The following CPOX variants were observed in gnomAD, a reference collection of about 807,000 sequenced individuals.
CPOX encodes oxygen-dependent coproporphyrinogen-III oxidase, mitochondrial.
A neutral mutation model predicts 48.9 loss-of-function variants in CPOX; 24 were observed. The ratio of observed to expected loss-of-function variants is 0.49; its 90% CI spans 0.36 to 0.69. The LOEUF (loss-of-function observed/expected upper bound fraction) is 0.69, where lower values mean the gene tolerates loss of function less well. Ranked by LOEUF, CPOX falls within the 30% of genes least tolerant of loss-of-function variation. The pLI is 0.00. For synonymous variants in CPOX, 249 were observed against 234.6 expected, an observed-to-expected ratio of 1.06 and a Z score of -0.56; for missense variants, 549 against 597.3, an observed-to-expected ratio of 0.92 and a Z score of 0.84.
chr3:98,577,421 G>A (rs369788631), downstream of CPOX, among the ~76,000 whole-genome samples: 1 of 152,148 alleles, frequency 6.6e-6, no homozygotes, highest in Non-Finnish European at 1.5e-5. Flanking sequence ...AGATGAGAAA[G>A]TATGTGAGAC....
At chr3:98,585,897 G>A (rs1388773499) in intron 4 of CPOX, 58 of 437,508 alleles carry the variant, frequency 1.3e-4, no homozygotes, top group Non-Finnish European at 8.9e-5. Flanking sequence ...TTTTGAGACG[G>A]ACTCTTGCTC....
chr3:98,576,432 T>C (rs1426706769), downstream of CPOX, among the ~76,000 whole-genome samples: 2 of 152,158 alleles, frequency 1.3e-5, no homozygotes, highest in African/African-American at 2.4e-5. Context: ...GTCTCTCCCT[T>C]GACACCTGGG....
chr3:98,593,560 C>G lies in CPOX; in HGVS notation c.-56G>C, dbSNP rs184287214. 715 of 1,483,316 alleles carry G rather than the reference C, an allele frequency of 4.8e-4. 4 individuals carry two copies. In the East Asian group the frequency reaches 0.017, roughly 36 times the overall value. 91.9% of individuals were successfully genotyped at this position (1,483,316 alleles called of 1,614,324 possible). ...GCGTCCCAGAGCCCTGCGTTTGAGC[C>G]CCCCACCCAGACCCCCGGAGTATTG... On this transcript the variant is annotated 5_prime_UTR_variant, in exon 1 of 7. Coordinates refer to ENST00000647941, the MANE Select transcript of CPOX (RefSeq NM_000097.7).
intron 3 of CPOX, 79 bp downstream of exon 3, chr3:98,590,553 T>G: frequency 9.8e-7 from 1 of 1,016,138 alleles, no homozygotes; most frequent in Non-Finnish European, 1.6e-6. Context: ...TTTCTCGCTT[T>G]TAGATGTTAT....
the CPOX span, among the ~76,000 whole-genome samples, chr3:98,570,946 G>T: frequency 5.9e-5 from 9 of 152,158 alleles, no homozygotes; most frequent in African/African-American, 2.2e-4. Context: ...TGTACAAATG[G>T]AACCACATTG....
At chr3:98,572,605 G>C in the CPOX span, among the ~76,000 whole-genome samples, 1 of 151,924 alleles carries the variant, frequency 6.6e-6, no homozygotes, top group Admixed American at 6.6e-5. Flanking sequence ...CTTAAGTTTG[G>C]TTTATATTTC....
At chr3:98,572,953 A>G in the CPOX span, among the ~76,000 whole-genome samples, 1 of 152,168 alleles carries the variant, frequency 6.6e-6, no homozygotes, top group South Asian at 2.1e-4. Flanking sequence ...AATTAAATTA[A>G]TGTATTGTAG....
chr3:98,586,804 C>T (rs563097670), intron 4 of CPOX, among the ~76,000 whole-genome samples: 7 of 152,198 alleles, frequency 4.6e-5, no homozygotes, highest in Middle Eastern at 3.4e-3. Context: ...ATTAGCCAGG[C>T]GTGGTGGTGG....
At chr3:98,577,474 G>A (rs1223130056), downstream of CPOX, among the ~76,000 whole-genome samples, 3 of 152,160 alleles carry the variant, frequency 2.0e-5, no homozygotes, top group African/African-American at 7.2e-5. Context: ...GAAACCAGGA[G>A]CCATTTCAAA....
rs1199625058 is a variant in CPOX at position 98,593,543 on chromosome 3, G to A, written c.-39C>T. ...CACCTGGAGCAGTGCCTGCGTCCCA[G>A]AGCCCTGCGTTTGAGCCCCCCACCC... On this transcript the variant is annotated 5_prime_UTR_variant, in exon 1 of 7. Coordinates refer to ENST00000647941, the MANE Select transcript of CPOX (RefSeq NM_000097.7). 3 of 1,506,538 alleles carry A rather than the reference G, an allele frequency of 2.0e-6. No homozygotes were observed. The highest frequency in any genetic ancestry group is 2.7e-6 in the Non-Finnish European group (3 of 1,131,816). 93.3% of individuals were successfully genotyped at this position (1,506,538 alleles called of 1,614,324 possible). A position where few individuals can be genotyped will look rare whatever the true frequency, so the allele number is the denominator to read the frequency against.
At chr3:98,577,808 C>G (rs1375399066), downstream of CPOX, among the ~76,000 whole-genome samples, 1 of 152,228 alleles carries the variant, frequency 6.6e-6, no homozygotes, top group Non-Finnish European at 1.5e-5. Flanking sequence ...TCATCCTCAC[C>G]TATGTACAGA....
At chr3:98,588,927 A>C in intron 3 of CPOX, 73 bp from the exon 4 acceptor site, 1 of 1,541,662 alleles carries the variant, frequency 6.5e-7, no homozygotes, top group Non-Finnish European at 8.9e-7. Context: ...TAGGACACTT[A>C]ATTTAGCAGC....
chr3:98,580,863 T>TAAA (rs202063324), intron 6 of CPOX, 93 bp from the exon 7 acceptor site: 3 of 1,178,790 alleles, frequency 2.5e-6, no homozygotes, highest in South Asian at 1.5e-5. Flanking sequence ...ATCCTAAGAA[T>TAAA]AAAAAAAAAA....
downstream of CPOX, chr3:98,579,390 T>C: frequency 1.7e-6 from 1 of 583,874 alleles, no homozygotes; most frequent in Non-Finnish European, 2.2e-6. Flanking sequence ...TCAACTGTAC[T>C]AAGAAATATA....
At position 98,593,142 on chromosome 3, in the gene CPOX, A is replaced by C. The variant is rs757585567; in HGVS notation, c.363T>G (p.Asp121Glu). 2 of 1,612,564 alleles carry C rather than the reference A, an allele frequency of 1.2e-6. No individual in the cohort carries two copies. Among genetic ancestry groups the C allele is most frequent in the South Asian group, 1.1e-5 (1 of 90,952 alleles). ...TSLGRPEEEE[D>E]ELAHRCSSFM... is the part of the protein sequence containing the mutation. ...AGCTGCTGCAGCGGTGGGCCAGCTCATCCTCCTCCTCCTCCGGCCTCCCCA... is the reference window on the plus strand; with the variant it reads ...AGCTGCTGCAGCGGTGGGCCAGCTCCTCCTCCTCCTCCTCCGGCCTCCCCA... Residue 121 changes from aspartate (D) to glutamate (E), a missense_variant, in exon 1 of 7, where the codon GAT becomes GAG. Asp to Glu is a conservative substitution (Grantham distance 45, BLOSUM62 2). This residue lies in a region of CPOX where 336 missense variants were observed against 318.1 expected (regional missense o/e 1.06). Transcript: ENST00000647941.
intron 4 of CPOX, among the ~76,000 whole-genome samples, chr3:98,586,358 A>G (rs1167183055): frequency 1.3e-5 from 2 of 152,190 alleles, no homozygotes; most frequent in Non-Finnish European, 2.9e-5. Context: ...ATCTTCCACT[A>G]ACAATGACAC....
Position 98,580,596 on chromosome 3 carries a change from T to C in CPOX, c.*87A>G. ...TGGAGAAGACTAAGGCACGGGTAAC[T>C]GCCACACAGTGGCAAAGTGCCGACC... On this transcript the variant is annotated 3_prime_UTR_variant, in exon 7 of 7. Coordinates refer to ENST00000647941, the MANE Select transcript of CPOX (RefSeq NM_000097.7). 1 of 1,603,890 alleles carries C rather than the reference T, an allele frequency of 6.2e-7. No homozygotes were observed. Among genetic ancestry groups the C allele is most frequent in the Non-Finnish European group, 8.5e-7 (1 of 1,174,872 alleles).
In CPOX at chr3:98,579,616, T is replaced by C. The variant is rs1428128899; in HGVS notation, c.*1067A>G. 7 of 983,992 alleles carry C rather than the reference T, an allele frequency of 7.1e-6. No homozygotes were observed. In the East Asian group the frequency reaches 5.7e-4, roughly 80 times the overall value. The allele number at this position is 983,992 out of a possible 1,614,324, so 61.0% of individuals were successfully genotyped here. A position where few individuals can be genotyped will look rare whatever the true frequency, so the allele number is the denominator to read the frequency against. On this transcript the variant is annotated 3_prime_UTR_variant, in exon 7 of 7. Coordinates refer to ENST00000647941, the MANE Select transcript of CPOX (RefSeq NM_000097.7). Reference sequence around the variant, plus strand: ...CTTATAAACTTTATTACGAAGCAAATAAAATAATACATTCATAATATATGA... The same window carrying C: ...CTTATAAACTTTATTACGAAGCAAACAAAATAATACATTCATAATATATGA...
At chr3:98,575,822 C>T (rs1293234762), downstream of CPOX, among the ~76,000 whole-genome samples, 4 of 147,954 alleles carry the variant, frequency 2.7e-5, no homozygotes, top group Middle Eastern at 3.5e-3. Context: ...AATCCCAGCA[C>T]TTTGGGAGGC....
Sources: gnomAD v4.1 joint callset for allele counts (sites outside exome capture counted in the v4.1 genomes callset) on GRCh38, gnomAD v4.1.1 for gene constraint, gnomAD v4.1.1 regional missense constraint, MANE v1.5 for transcripts, NCBI Gene and HGNC (gene_info 2026-07-23, HGNC 2026-07-21) for gene names.